Variants in BCL2L1 observed in about 807,000 individuals in gnomAD.
The protein encoded by BCL2L1 is bcl-2-like protein 1.
A neutral mutation model predicts 18.7 loss-of-function variants in BCL2L1; 1 was observed. That is an observed-to-expected ratio of 0.05 (90% CI 0.02 to 0.25). The LOEUF (loss-of-function observed/expected upper bound fraction) is 0.25, where lower values mean the gene tolerates loss of function less well. BCL2L1 is among the 10% of genes least tolerant of loss of function. BCL2L1 has a pLI of 1.00. For missense variants in BCL2L1, 207 were observed against 304.9 expected (o/e 0.68, Z 2.39); for synonymous variants, 103 against 122.7 (o/e 0.84, Z 1.06).
At chr20:31,682,101 G>A (rs2060874315) in intron 2 of BCL2L1, among the ~76,000 whole-genome samples, 1 of 152,220 alleles carries the variant, frequency 6.6e-6, no homozygotes, top group Non-Finnish European at 1.5e-5. Context: ...CGTTGTCCAG[G>A]GCCTACTAGG....
rs1325938235 is a variant in BCL2L1, at chr20:31,722,134, C to T, written c.85G>A (p.Asp29Asn). Residue 29 changes from aspartate to asparagine, a missense_variant, in exon 2 of 3, where the codon GAT becomes AAT. By Grantham distance (23) the Asp-to-Asn change is conservative. Transcript: ENST00000307677. ...GCCTCAGTCCTGTTCTCTTCCACAT[C>T]ACTAAACTGACTCCAGCTGTATCCT... ...QKGYSWSQFSDVEENRTEAPE... is the reference protein window; with the variant it reads ...QKGYSWSQFSNVEENRTEAPE... The T allele has an allele frequency of 6.5e-7, 1 of 1,528,000 alleles. No individual in the cohort carries two copies. Among genetic ancestry groups the T allele is most frequent in the Non-Finnish European group, 8.8e-7 (1 of 1,141,508 alleles). 94.7% of individuals were successfully genotyped at this position (1,528,000 alleles called of 1,614,324 possible).
intron 2 of BCL2L1, among the ~76,000 whole-genome samples, chr20:31,688,672 C>T (rs2061003662): frequency 6.6e-6 from 1 of 152,178 alleles, no homozygotes. Context: ...GATTCATCCC[C>T]CCCAGATATA....
At chr20:31,667,891 A>T (rs958461107) in intron 2 of BCL2L1, among the ~76,000 whole-genome samples, 2 of 152,140 alleles carry the variant, frequency 1.3e-5, no homozygotes, top group Non-Finnish European at 2.9e-5. Context: ...GGCAGTAGAG[A>T]GCAGTGACCC....
intron 2 of BCL2L1, among the ~76,000 whole-genome samples, chr20:31,676,035 G>A (rs1253946403): frequency 6.6e-6 from 1 of 152,292 alleles, no homozygotes; most frequent in East Asian, 1.9e-4. Context: ...TAACACCTCC[G>A]CTGGGGAATC....
rs1000911791 is a variant in BCL2L1 at position 31,667,477 on chromosome 20, A to G, written c.565-1391T>C. ...GTTCAAAAAAAAAAAAGGAAGTACC[A>G]TAGTACCGTGTGTGTGTGTGTGTGT... On this transcript the variant is annotated intron_variant, in intron 2 of 2. Coordinates refer to ENST00000307677, the MANE Select transcript of BCL2L1 (RefSeq NM_138578.3). Among the ~76,000 whole-genome samples, 26 of 74,790 alleles carry G rather than the reference A, an allele frequency of 3.5e-4. 1 individual carries two copies. Among genetic ancestry groups the G allele is most frequent in the African/African-American group, 3.3e-3 (25 of 7,522 alleles). The allele number at this position is 74,790 out of a possible 152,430, so 49.1% of individuals were successfully genotyped here. A position where few individuals can be genotyped will look rare whatever the true frequency, so the allele number is the denominator to read the frequency against.
rs141754198 is a variant in BCL2L1 at position 31,672,464 on chromosome 20, C to CAA, written c.565-6380_565-6379dup. On this transcript the variant is annotated intron_variant, in intron 2 of 2. Coordinates refer to ENST00000307677, the MANE Select transcript of BCL2L1 (RefSeq NM_138578.3). ...GGGCAACAAGAGCAAAACCCTGTCTCAAAAAAAAAAAAAAGCCTGTTTTAG... is the reference window on the plus strand; with the variant it reads ...GGGCAACAAGAGCAAAACCCTGTCTCAAAAAAAAAAAAAAAAGCCTGTTTTAG... 5.2e-5 allele frequency among the ~76,000 whole-genome samples: 6 copies of CAA among 115,492 alleles called. No homozygotes were observed. The South Asian group carries it at 8.3e-4, about 16-fold the overall frequency. The allele number at this position is 115,492 out of a possible 152,430, so 75.8% of individuals were successfully genotyped here.
chr20:31,715,566 C>T (rs1290517384), intron 2 of BCL2L1, among the ~76,000 whole-genome samples: 2 of 152,112 alleles, frequency 1.3e-5, no homozygotes, highest in South Asian at 4.1e-4. Flanking sequence ...TAGCGCTTGG[C>T]TCAAATAAAT....
At chr20:31,681,761 G>A (rs894397769) in intron 2 of BCL2L1, among the ~76,000 whole-genome samples, 1 of 152,252 alleles carries the variant, frequency 6.6e-6, no homozygotes, top group Non-Finnish European at 1.5e-5. Context: ...GGCGAGAGAA[G>A]AGGCCCTTGG....
At chr20:31,690,121 T>C (rs1231005535) in intron 2 of BCL2L1, among the ~76,000 whole-genome samples, 1 of 152,196 alleles carries the variant, frequency 6.6e-6, no homozygotes, top group Non-Finnish European at 1.5e-5. Context: ...GGTCTCACTC[T>C]CATCCAGGCT....
Position 31,665,805 on chromosome 20 carries a change from G to A in BCL2L1, c.*144C>T. The A allele has an allele frequency of 1.9e-6, 2 of 1,076,952 alleles. No individual in the cohort carries two copies. Among genetic ancestry groups the A allele is most frequent in the Non-Finnish European group, 2.6e-6 (2 of 755,848 alleles). The allele number at this position is 1,076,952 out of a possible 1,614,324, so 66.7% of individuals were successfully genotyped here. On this transcript the variant is annotated 3_prime_UTR_variant, in exon 3 of 3. Coordinates refer to ENST00000307677, the MANE Select transcript of BCL2L1 (RefSeq NM_138578.3). Reference sequence around the variant, plus strand: ...TAAATTCTAGAAAACTAGCTGCAAGGGACCAGATCTGGGCCCAACCCTGTG... The same window carrying A: ...TAAATTCTAGAAAACTAGCTGCAAGAGACCAGATCTGGGCCCAACCCTGTG...
chr20:31,715,226 C>T (rs932675267), intron 2 of BCL2L1, among the ~76,000 whole-genome samples: 1 of 149,808 alleles, frequency 6.7e-6, no homozygotes, highest in Admixed American at 6.7e-5. Flanking sequence ...GAGCAGAGAT[C>T]GTGCCACTGC....
At chr20:31,699,096 G>A (rs1439141897) in intron 2 of BCL2L1, among the ~76,000 whole-genome samples, 1 of 152,170 alleles carries the variant, frequency 6.6e-6, no homozygotes, top group African/African-American at 2.4e-5. Flanking sequence ...AGTCGGGGAG[G>A]GCCTTCCTGT....
rs551434881 is a variant in BCL2L1 at position 31,673,044 on chromosome 20, C to A, written c.565-6958G>T. ...GTGTGACTTTGAGCAGGTTACTTCA[C>A]CTCTCTGGTCCATGGTGTCCTTGCT... On this transcript the variant is annotated intron_variant, in intron 2 of 2. Coordinates refer to ENST00000307677, the MANE Select transcript of BCL2L1 (RefSeq NM_138578.3). Among the ~76,000 whole-genome samples, 9 of 151,388 alleles carry A rather than the reference C, an allele frequency of 5.9e-5. No homozygotes were observed. The East Asian group carries it at 1.6e-3, about 26-fold the overall frequency.
At chr20:31,721,097 C>G (rs2061619562) in intron 2 of BCL2L1, among the ~76,000 whole-genome samples, 2 of 152,220 alleles carry the variant, frequency 1.3e-5, no homozygotes, top group Admixed American at 1.3e-4. Flanking sequence ...GCCATTCAAC[C>G]CAGTGGGAAC....
intron 2 of BCL2L1, among the ~76,000 whole-genome samples, chr20:31,669,168 GC>G (rs1216223127): frequency 6.6e-6 from 1 of 151,912 alleles, no homozygotes; most frequent in African/African-American, 2.4e-5. Flanking sequence ...TGATCCTCCT[GC>G]CCCAGCCTCC....
At chr20:31,697,807 C>T (rs1000022353) in intron 2 of BCL2L1, among the ~76,000 whole-genome samples, 1 of 151,854 alleles carries the variant, frequency 6.6e-6, no homozygotes, top group African/African-American at 2.4e-5. Context: ...TAGAGCATAC[C>T]TCATAAAACT....
intron 2 of BCL2L1, among the ~76,000 whole-genome samples, chr20:31,677,148 T>C (rs1032366752): frequency 2.0e-5 from 3 of 151,858 alleles, no homozygotes; most frequent in Non-Finnish European, 4.4e-5. Flanking sequence ...TTTGACCTCA[T>C]CTGTAAAATG....
chr20:31,711,239 C>G (rs551438420), intron 2 of BCL2L1, among the ~76,000 whole-genome samples: 1 of 152,338 alleles, frequency 6.6e-6, no homozygotes, highest in South Asian at 2.1e-4. Context: ...CTCACTTACT[C>G]TGGTGGCTTG....
At chr20:31,713,169 C>G (rs145557019) in intron 2 of BCL2L1, 2 of 778,502 alleles carry the variant, frequency 2.6e-6, no homozygotes, top group African/African-American at 1.9e-5. Context: ...ACTGCTAATG[C>G]GTGATGGAGC....
Sources: allele counts gnomAD v4.1 joint callset (sites outside exome capture counted in the v4.1 genomes callset), GRCh38; gene constraint gnomAD v4.1.1; transcripts MANE v1.5; gene names NCBI Gene and HGNC (gene_info 2026-07-23, HGNC 2026-07-21).